Variants in LINGO2 observed in about 807,000 individuals in gnomAD.
LINGO2 encodes leucine rich repeat and Ig domain containing 2, also known as leucine-rich repeat and immunoglobulin-like domain-containing nogo receptor-interacting protein 2.
A neutral mutation model predicts 30.6 loss-of-function variants in LINGO2; 14 were observed. The ratio of observed to expected loss-of-function variants is 0.46; its 90% confidence interval spans 0.30 to 0.72. The LOEUF is 0.72. LINGO2 is among the 30% of genes least tolerant of loss of function. The pLI, the probability that LINGO2 is intolerant of heterozygous loss-of-function variation, is 0.07. For missense variants in LINGO2, 729 were observed against 751.7 expected (o/e 0.97, Z 0.35); for synonymous variants, 317 against 288.5 (o/e 1.10, Z -1.00).
intron 3 of LINGO2, among the ~76,000 whole-genome samples, chr9:28,299,695 G>A (rs1362391669): frequency 6.6e-6 from 1 of 152,072 alleles, no homozygotes; most frequent in Non-Finnish European, 1.5e-5. Context: ...TTGAAAAATG[G>A]AGCTGTGATT....
At chr9:28,425,390 A>G (rs1823368296) in intron 2 of LINGO2, among the ~76,000 whole-genome samples, 1 of 151,180 alleles carries the variant, frequency 6.6e-6, no homozygotes, top group South Asian at 2.1e-4. Flanking sequence ...TCCACACATA[A>G]GCTCTAAGAG....
the LINGO2 span, among the ~76,000 whole-genome samples, chr9:28,907,253 T>G: frequency 6.6e-6 from 1 of 151,856 alleles, no homozygotes; most frequent in African/African-American, 2.4e-5. Flanking sequence ...TTAAGTGAAA[T>G]GGTCAAGGAA....
At chr9:28,055,082 A>G (rs1824862288) in intron 4 of LINGO2, among the ~76,000 whole-genome samples, 1 of 152,106 alleles carries the variant, frequency 6.6e-6, no homozygotes, top group African/African-American at 2.4e-5. Flanking sequence ...GTAATCAAAA[A>G]TTTCCAAAAA....
the LINGO2 span, among the ~76,000 whole-genome samples, chr9:29,028,328 G>A: frequency 6.6e-6 from 1 of 151,160 alleles, no homozygotes; most frequent in South Asian, 2.1e-4. Context: ...GTGGAATATT[G>A]TGCAGTTCAG....
chr9:28,582,882 G>T (rs56354446), intron 1 of LINGO2, among the ~76,000 whole-genome samples: 2 of 151,906 alleles, frequency 1.3e-5, no homozygotes, highest in Non-Finnish European at 2.9e-5. Context: ...AAAACATACC[G>T]ATGCTTTGAC....
At chr9:28,213,191 G>C (rs1488143684) in intron 4 of LINGO2, among the ~76,000 whole-genome samples, 1 of 151,458 alleles carries the variant, frequency 6.6e-6, no homozygotes, top group Non-Finnish European at 1.5e-5. Context: ...TCAAAGCTAA[G>C]TAAACATTAG....
chr9:28,848,693 G>C, the LINGO2 span, among the ~76,000 whole-genome samples: 1 of 151,424 alleles, frequency 6.6e-6, no homozygotes, highest in Non-Finnish European at 1.5e-5. Context: ...ATGACACCAT[G>C]AGAGTGAAAG....
At chr9:28,010,953 A>T (rs1485630294) in intron 5 of LINGO2, among the ~76,000 whole-genome samples, 1 of 152,206 alleles carries the variant, frequency 6.6e-6, no homozygotes, top group East Asian at 1.9e-4. Flanking sequence ...CTCTGTCTCT[A>T]AAATAAAATA....
chr9:28,600,601 C>T (rs1825419449), intron 1 of LINGO2, among the ~76,000 whole-genome samples: 1 of 151,960 alleles, frequency 6.6e-6, no homozygotes, highest in South Asian at 2.1e-4. Flanking sequence ...CAAAGTGTTT[C>T]CTGAGGAATG....
the LINGO2 span, among the ~76,000 whole-genome samples, chr9:28,701,324 T>C: frequency 6.6e-6 from 1 of 152,040 alleles, no homozygotes; most frequent in South Asian, 2.1e-4. Flanking sequence ...ATTTTTAATC[T>C]TTGTGAAGCT....
At chr9:28,407,727 C>A (rs537500363) in intron 2 of LINGO2, among the ~76,000 whole-genome samples, 27 of 152,192 alleles carry the variant, frequency 1.8e-4, no homozygotes, top group African/African-American at 6.5e-4. Flanking sequence ...AGGAGGATGC[C>A]TGATTTCATT....
At chr9:28,615,469 C>T (rs930911661) in intron 1 of LINGO2, among the ~76,000 whole-genome samples, 3 of 152,076 alleles carry the variant, frequency 2.0e-5, no homozygotes, top group Non-Finnish European at 4.4e-5. Context: ...TCCCAGTGGC[C>T]TGCACATTCC....
At chr9:28,449,986 C>T (rs149640355) in intron 2 of LINGO2, among the ~76,000 whole-genome samples, 2 of 152,068 alleles carry the variant, frequency 1.3e-5, no homozygotes, top group Admixed American at 6.6e-5. Context: ...TTCTTGGATT[C>T]GTAGGCACAC....
chr9:28,431,244 A>G (rs1350739571), intron 2 of LINGO2, among the ~76,000 whole-genome samples: 2 of 152,144 alleles, frequency 1.3e-5, no homozygotes, highest in African/African-American at 4.8e-5. Context: ...TGGAGAAGGT[A>G]ATCTAAGAGA....
chr9:28,802,584 G>T, the LINGO2 span, among the ~76,000 whole-genome samples: 1 of 152,064 alleles, frequency 6.6e-6, no homozygotes, highest in South Asian at 2.1e-4. Context: ...GTCTAATTTT[G>T]TCTCTAATAT....
chr9:28,035,893 AACACAC>A (rs111851787), intron 4 of LINGO2, among the ~76,000 whole-genome samples: 9 of 149,298 alleles, frequency 6.0e-5, no homozygotes, highest in South Asian at 2.1e-4. Flanking sequence ...CACACACACA[AACACAC>A]ACACACACAC....
intron 4 of LINGO2, among the ~76,000 whole-genome samples, chr9:28,155,292 GT>G (rs1256702149): frequency 6.6e-6 from 1 of 152,186 alleles, no homozygotes; most frequent in Non-Finnish European, 1.5e-5. Flanking sequence ...CTGTGACCAT[GT>G]GAGAAGCCAC....
intron 1 of LINGO2, among the ~76,000 whole-genome samples, chr9:28,563,252 T>C (rs1415338329): frequency 6.6e-6 from 1 of 152,126 alleles, no homozygotes; most frequent in African/African-American, 2.4e-5. Flanking sequence ...AGCCAGGAAT[T>C]AAATCCAGAT....
chr9:29,071,792 A>G, the LINGO2 span, among the ~76,000 whole-genome samples: 1 of 151,980 alleles, frequency 6.6e-6, no homozygotes, highest in African/African-American at 2.4e-5. Context: ...TACCCTGAGT[A>G]GCAGAGTAAC....
Sources: allele counts gnomAD v4.1 joint callset (sites outside exome capture counted in the v4.1 genomes callset), GRCh38; gene constraint gnomAD v4.1.1; transcripts MANE v1.5; gene names NCBI Gene and HGNC (gene_info 2026-07-23, HGNC 2026-07-21).